The following PKM variants were observed in gnomAD, a reference collection of about 807,000 sequenced individuals.
PKM encodes the protein pyruvate kinase M1/2.
A neutral mutation model predicts 49.8 loss-of-function variants in PKM; 18 were observed. The ratio of observed to expected loss-of-function variants is 0.36; its 90% confidence interval spans 0.25 to 0.54. The LOEUF (loss-of-function observed/expected upper bound fraction) is 0.54. Among genes scored for constraint, PKM ranks in the 20% least tolerant of loss-of-function variants. PKM has a pLI of 0.89. For missense variants in PKM, 508 were observed against 713.8 expected (o/e 0.71, Z 3.28); for synonymous variants, 239 against 261.8 (o/e 0.91, Z 0.84).
intron 1 of PKM, among the ~76,000 whole-genome samples, chr15:72,221,814 T>C (rs577539327): frequency 1.3e-5 from 2 of 149,754 alleles, no homozygotes; most frequent in South Asian, 4.2e-4. Context: ...CACTGGGTTG[T>C]GATTAAAAAA....
At chr15:72,218,280 A>AC (rs1441626592) in intron 2 of PKM, among the ~76,000 whole-genome samples, 3 of 151,168 alleles carry the variant, frequency 2.0e-5, no homozygotes, top group African/African-American at 7.3e-5. Flanking sequence ...ACCCGCCACC[A>AC]CCCCCGGCTA....
intron 1 of PKM, among the ~76,000 whole-genome samples, chr15:72,220,184 A>G (rs1025640430): frequency 1.3e-5 from 2 of 152,210 alleles, no homozygotes; most frequent in Non-Finnish European, 2.9e-5. Context: ...TCTCATCAGA[A>G]AGCTGTTTCC....
chr15:72,217,581 T>C, intron 2 of PKM, 81 bp from the exon 3 acceptor site: 1 of 975,260 alleles, frequency 1.0e-6, no homozygotes, highest in Non-Finnish European at 1.6e-6. Flanking sequence ...GTTTAAAGAA[T>C]TTTTTTCCCT....
At chr15:72,211,481 C>T (rs8043345) in intron 3 of PKM, among the ~76,000 whole-genome samples, 5,520 of 152,126 alleles carry the variant, frequency 0.036, 184 homozygotes, top group East Asian at 0.16. Flanking sequence ...AATCTTTTTT[C>T]TTAAGCCTTT....
At chr15:72,214,124 C>T (rs1424548609) in intron 3 of PKM, among the ~76,000 whole-genome samples, 1 of 152,092 alleles carries the variant, frequency 6.6e-6, no homozygotes, top group African/African-American at 2.4e-5. Flanking sequence ...GAGATCTTTG[C>T]TTTCTAAAGT....
intron 1 of PKM, among the ~76,000 whole-genome samples, chr15:72,220,973 C>G (rs2082505948): frequency 6.6e-6 from 1 of 152,230 alleles, no homozygotes; most frequent in Admixed American, 6.5e-5. Flanking sequence ...CCAACTGGAA[C>G]ACAAAGGCTT....
chr15:72,205,125 T>C (rs995218254), intron 8 of PKM, among the ~76,000 whole-genome samples: 3 of 152,034 alleles, frequency 2.0e-5, no homozygotes, highest in Admixed American at 6.6e-5. Flanking sequence ...TTTTTATGTT[T>C]GTTTGGTTTC....
chr15:72,208,937 G>C (rs1357792269), intron 5 of PKM, 46 bp from the exon 6 acceptor site: 2 of 1,588,778 alleles, frequency 1.3e-6, no homozygotes, highest in Admixed American at 3.6e-5. Flanking sequence ...CGAGGGCACA[G>C]GTCAACAGGA....
intron 9 of PKM, chr15:72,201,335 A>AGG (rs2140589209): frequency 1.3e-5 from 2 of 152,430 alleles, no homozygotes; most frequent in South Asian, 4.1e-4. Context: ...TTTGGAAGGC[A>AGG]GGGGACCCTT....
At chr15:72,203,066 A>C in intron 8 of PKM, 2 of 1,614,208 alleles carry the variant, frequency 1.2e-6, no homozygotes, top group Non-Finnish European at 1.7e-6. Flanking sequence ...CTAAACACTT[A>C]TAAGAAGCCT....
At chr15:72,203,034 G>A (rs201350316) in intron 8 of PKM, 35 of 1,614,104 alleles carry the variant, frequency 2.2e-5, no homozygotes, top group East Asian at 4.5e-5. Flanking sequence ...GCCAGACTCC[G>A]TCAGAACTAT....
chr15:72,214,485 T>C (rs547517646), intron 3 of PKM, among the ~76,000 whole-genome samples: 3 of 152,110 alleles, frequency 2.0e-5, no homozygotes, highest in African/African-American at 7.2e-5. Flanking sequence ...AGGCTCTACA[T>C]TTAGGTTGTT....
At chr15:72,230,841 G>C (rs2082843039) in intron 1 of PKM, 1 of 928,862 alleles carries the variant, frequency 1.1e-6, no homozygotes, top group Non-Finnish European at 1.5e-6. Flanking sequence ...GCAGGAGGAA[G>C]AGGATGGGAC....
At chr15:72,217,572 T>G in intron 2 of PKM, 72 bp from the exon 3 acceptor site, 1 of 1,050,620 alleles carries the variant, frequency 9.5e-7, no homozygotes. Flanking sequence ...TTTGCTTAAG[T>G]TTAAAGAATT....
chr15:72,223,918 T>TAAA (rs11432818), intron 1 of PKM, among the ~76,000 whole-genome samples: 1 of 140,278 alleles, frequency 7.1e-6, no homozygotes, highest in Non-Finnish European at 1.6e-5. Flanking sequence ...TCCCTGGCTT[T>TAAA]AAAAAAAAAA....
At chr15:72,203,304 T>C in intron 8 of PKM, 1 of 931,842 alleles carries the variant, frequency 1.1e-6, no homozygotes, top group East Asian at 2.4e-5. Context: ...TAACCTTAGG[T>C]TAATTGGCTA....
At chr15:72,206,613 A>G in intron 8 of PKM, 115 bp downstream of exon 8, 1 of 1,051,948 alleles carries the variant, frequency 9.5e-7, no homozygotes, top group Non-Finnish European at 1.4e-6. Flanking sequence ...CTTGGAGGAT[A>G]ATGAAAGGCT....
At chr15:72,217,019 C>T (rs914959918) in intron 3 of PKM, among the ~76,000 whole-genome samples, 1 of 152,240 alleles carries the variant, frequency 6.6e-6, no homozygotes, top group Admixed American at 6.5e-5. Flanking sequence ...TAGAATCAAT[C>T]TGCTAGATGG....
At position 72,207,167 on chromosome 15, in the gene PKM, C is replaced by T. The variant is rs745324727; in HGVS notation, c.947G>A (p.Arg316Gln). ...VFLAQKMMIG[R>Q]CNRAGKPVIC... The stretch of plus-strand genomic sequence containing the variant: ...GACAGGCTTCCCAGCTCGGTTGCAC[C>T]GTCCAATCATCATCTTCTGAGCAAG... Residue 316 changes from arginine to glutamine, a missense_variant, in exon 7 of 11, where the codon CGG becomes CAG. Physicochemically the swap from Arg to Gln is conservative, Grantham distance 43. Coordinates refer to ENST00000335181, the MANE Select transcript of PKM (RefSeq NM_002654.6). 2.5e-5 allele frequency: 41 copies of T among 1,613,974 alleles called. No homozygotes were observed. Among genetic ancestry groups the T allele is most frequent in the African/African-American group, 4.0e-5 (3 of 74,914 alleles).
Sources: gnomAD v4.1 joint callset for allele counts (sites outside exome capture counted in the v4.1 genomes callset) on GRCh38, gnomAD v4.1.1 for gene constraint, MANE v1.5 for transcripts, NCBI Gene and HGNC (gene_info 2026-07-23, HGNC 2026-07-21) for gene names.